MAP2K4: variants seen among roughly 807,000 people sequenced by gnomAD.
The protein encoded by MAP2K4 is dual specificity mitogen-activated protein kinase kinase 4.
In MAP2K4, 4 loss-of-function variants were observed where a neutral mutation model predicts 48.5. The ratio of observed to expected loss-of-function variants is 0.08; its 90% CI spans 0.04 to 0.19. The LOEUF (loss-of-function observed/expected upper bound fraction) is 0.19, where lower values mean the gene tolerates loss of function less well. Ranked by LOEUF, MAP2K4 falls within the 10% of genes least tolerant of loss-of-function variation. The pLI, the probability that MAP2K4 is intolerant of heterozygous loss-of-function variation, is 1.00. For missense variants in MAP2K4, 258 were observed against 493.3 expected (o/e 0.52, Z 4.52); for synonymous variants, 166 against 173.1 (o/e 0.96, Z 0.32).
rs148132771 is a variant in MAP2K4 at position 12,024,713 on chromosome 17, A to G, written c.115+3712A>G. ...TAATTTGTTAATGTAGATAGATTTA[A>G]TAGGAAAATTTCTTGCATATTAGGG... On this transcript the variant is annotated intron_variant, in intron 1 of 10. Transcript: ENST00000353533. Among the ~76,000 whole-genome samples the G allele has an allele frequency of 4.3e-3, 662 of 152,314 alleles. 3 individuals carry two copies. The highest frequency in any genetic ancestry group is 7.0e-3 in the Non-Finnish European group (479 of 68,022).
chr17:12,111,916 T>C (rs1972319207), intron 6 of MAP2K4, among the ~76,000 whole-genome samples: 1 of 152,128 alleles, frequency 6.6e-6, no homozygotes, highest in Non-Finnish European at 1.5e-5. Context: ...CCCACTATCA[T>C]GTCTATATGT....
At chr17:12,090,676 A>C (rs976442445) in intron 3 of MAP2K4, among the ~76,000 whole-genome samples, 5 of 152,166 alleles carry the variant, frequency 3.3e-5, no homozygotes, top group Admixed American at 2.6e-4. Context: ...CACCCATGAA[A>C]ACAAATTTAG....
intron 3 of MAP2K4, among the ~76,000 whole-genome samples, chr17:12,092,770 T>TA (rs1487764588): frequency 6.6e-6 from 1 of 152,216 alleles, no homozygotes; most frequent in Non-Finnish European, 1.5e-5. Flanking sequence ...CTCACGCCTG[T>TA]AATCCCAGCA....
intron 3 of MAP2K4, among the ~76,000 whole-genome samples, chr17:12,088,461 T>A (rs71364146): frequency 2.0e-5 from 1 of 48,924 alleles, no homozygotes; most frequent in Admixed American, 2.3e-4. Context: ...TTAAATATTA[T>A]ACAATATTAA....
At chr17:12,125,948 A>G (rs927109183) in intron 8 of MAP2K4, among the ~76,000 whole-genome samples, 1 of 152,182 alleles carries the variant, frequency 6.6e-6, no homozygotes, top group Non-Finnish European at 1.5e-5. Flanking sequence ...ATTTATGAAG[A>G]GAGGTTTAAT....
At chr17:12,060,105 G>A (rs1399650570) in intron 2 of MAP2K4, among the ~76,000 whole-genome samples, 1 of 151,930 alleles carries the variant, frequency 6.6e-6, no homozygotes, top group Non-Finnish European at 1.5e-5. Context: ...TTGAGCCCTG[G>A]AGGTTGAGGC....
chr17:12,082,122 G>T, intron 3 of MAP2K4: 1 of 273,474 alleles, frequency 3.7e-6, no homozygotes, highest in Non-Finnish European at 8.0e-6. Context: ...TTATTGTGTC[G>T]TGCCACTTAA....
At chr17:12,038,105 A>G (rs765343570) in intron 1 of MAP2K4, among the ~76,000 whole-genome samples, 1 of 152,168 alleles carries the variant, frequency 6.6e-6, no homozygotes, top group South Asian at 2.1e-4. Context: ...ACTACTAGCA[A>G]CAAAGGGATG....
chr17:12,129,632 A>T (rs1223755415), intron 9 of MAP2K4, among the ~76,000 whole-genome samples: 1 of 152,240 alleles, frequency 6.6e-6, no homozygotes. Context: ...ATGCAATTGC[A>T]CCAAAATCAC....
intron 1 of MAP2K4, among the ~76,000 whole-genome samples, chr17:12,049,709 A>G (rs1970073142): frequency 6.6e-6 from 1 of 152,220 alleles, no homozygotes; most frequent in Non-Finnish European, 1.5e-5. Flanking sequence ...TGGAAGTCAT[A>G]CAGTATTCCT....
At position 12,020,906 on chromosome 17, in the gene MAP2K4, G is replaced by T; in HGVS notation, c.20G>T (p.Ser7Ile). The change falls in exon 1 of 11, where the codon AGC becomes ATC. Residue 7 changes from serine (S) to isoleucine (I), a missense_variant. Transcript: ENST00000353533. The part of the protein sequence containing the change: MAAPSP[S>I]GGGGSGGGSG... ...CCAACAATGGCGGCTCCGAGCCCGAGCGGCGGCGGCGGCTCCGGGGGCGGC... is the reference window on the plus strand; with the variant it reads ...CCAACAATGGCGGCTCCGAGCCCGATCGGCGGCGGCGGCTCCGGGGGCGGC... 1 of 1,197,386 alleles carries T rather than the reference G, an allele frequency of 8.4e-7. No homozygotes were observed. Among genetic ancestry groups the T allele is most frequent in the Non-Finnish European group, 1.0e-6 (1 of 963,654 alleles). The allele number at this position is 1,197,386 out of a possible 1,614,324, so 74.2% of individuals were successfully genotyped here. A position where few individuals can be genotyped will look rare whatever the true frequency, so the allele number is the denominator to read the frequency against.
At chr17:12,094,037 A>T (rs898926530) in intron 3 of MAP2K4, among the ~76,000 whole-genome samples, 1 of 152,234 alleles carries the variant, frequency 6.6e-6, no homozygotes, top group African/African-American at 2.4e-5. Flanking sequence ...TTAATCCATA[A>T]ACTATGAAAA....
chr17:12,135,932 G>A (rs530850803), intron 9 of MAP2K4, among the ~76,000 whole-genome samples: 4 of 152,236 alleles, frequency 2.6e-5, no homozygotes, highest in East Asian at 3.9e-4. Context: ...ATTCAGGGAG[G>A]GAGATTATGG....
At chr17:12,021,040 C>G (rs912611165) in intron 1 of MAP2K4, 39 bp downstream of exon 1, 1 of 1,142,574 alleles carries the variant, frequency 8.8e-7, no homozygotes, top group Non-Finnish European at 1.1e-6. Flanking sequence ...AGCCCCCTAG[C>G]GCGGCAACCC....
chr17:12,096,088 C>T (rs918211398), intron 4 of MAP2K4, among the ~76,000 whole-genome samples: 2 of 57,262 alleles, frequency 3.5e-5, no homozygotes, highest in Non-Finnish European at 9.8e-5. Flanking sequence ...CCCCCCCCCC[C>T]GCCGCCAACT....
At chr17:12,023,297 A>T (rs1333428945) in intron 1 of MAP2K4, among the ~76,000 whole-genome samples, 2 of 152,124 alleles carry the variant, frequency 1.3e-5, no homozygotes, top group East Asian at 1.9e-4. Context: ...TTTGTTCTGT[A>T]TCTTAATTGT....
intron 1 of MAP2K4, among the ~76,000 whole-genome samples, chr17:12,028,747 G>A (rs1358963418): frequency 6.6e-6 from 1 of 152,126 alleles, no homozygotes; most frequent in Non-Finnish European, 1.5e-5. Flanking sequence ...AGAATGTCCA[G>A]GGAATCAGAA....
intron 2 of MAP2K4, chr17:12,069,892 T>TAC (rs1970734318): frequency 5.8e-4 from 1 of 1,710 alleles, no homozygotes; most frequent in African/African-American, 7.1e-3. Context: ...AGATTAGTCA[T>TAC]ATATATATAT....
chr17:12,127,466 A>C (rs887240681), intron 8 of MAP2K4, among the ~76,000 whole-genome samples: 2 of 152,226 alleles, frequency 1.3e-5, no homozygotes, highest in Non-Finnish European at 2.9e-5. Flanking sequence ...ACAGAAAGAA[A>C]ATTTTGTGAA....
Sources: gnomAD v4.1 joint callset for allele counts (sites outside exome capture counted in the v4.1 genomes callset) on GRCh38, gnomAD v4.1.1 for gene constraint, MANE v1.5 for transcripts, NCBI Gene and HGNC (gene_info 2026-07-23, HGNC 2026-07-21) for gene names.